Variants in IL33 observed in about 807,000 individuals in gnomAD.
IL33 encodes the protein interleukin 33.
Under a neutral mutation model 27.3 loss-of-function variants are expected in IL33, and 37 were observed. The observed-to-expected ratio is 1.36, with a 90% CI of 1.04 to 1.78. The LOEUF is 1.78. IL33 is among the 40% of genes most tolerant of loss of function. The probability of loss-of-function intolerance (pLI) is 0.00; values close to 1 mark genes in which losing one functional copy is unlikely to be tolerated. For synonymous variants in IL33, 132 were observed against 102.9 expected (o/e 1.28, Z -1.71); for missense variants, 406 against 311.4 (o/e 1.30, Z -2.29).
At chr9:6,220,083 A>G (rs757808483) in intron 1 of IL33, among the ~76,000 whole-genome samples, 5 of 152,190 alleles carry the variant, frequency 3.3e-5, no homozygotes, top group African/African-American at 4.8e-5. Flanking sequence ...CTTCAGGGCT[A>G]CATTCACCTT....
chr9:6,252,063 AAACCC>A lies in IL33; in HGVS notation c.344-799_344-795del, dbSNP rs1564073204. ...AAAAAACAAACAAACAAACAAAAAA[AAACCC>A]AACAAAAAACAAAACAAAACAAAAA... On this transcript the variant is annotated intron_variant, in intron 4 of 7. Transcript: ENST00000682010. 3.7e-4 allele frequency among the ~76,000 whole-genome samples: 46 copies of A among 123,478 alleles called. 1 individual carries two copies. The highest frequency in any genetic ancestry group is 1.5e-3 in the African/African-American group (44 of 29,386). 81.0% of individuals were successfully genotyped at this position (123,478 alleles called of 152,430 possible).
chr9:6,254,864 A>C (rs1410580774), intron 7 of IL33, among the ~76,000 whole-genome samples: 2 of 152,144 alleles, frequency 1.3e-5, no homozygotes, highest in Non-Finnish European at 2.9e-5. Flanking sequence ...TATTTTAATA[A>C]ATCTCCAGGA....
intron 1 of IL33, among the ~76,000 whole-genome samples, chr9:6,223,394 C>G (rs1404337502): frequency 1.3e-5 from 2 of 151,270 alleles, no homozygotes; most frequent in Non-Finnish European, 2.9e-5. Context: ...AAAAGAGTAC[C>G]TCAAAGAGTT....
intron 2 of IL33, among the ~76,000 whole-genome samples, chr9:6,248,524 T>C (rs188656572): frequency 6.6e-6 from 1 of 152,208 alleles, no homozygotes; most frequent in African/African-American, 2.4e-5. Context: ...GATGCCAGCA[T>C]AATATTCTTG....
chr9:6,216,468 T>C (rs1478733602), intron 1 of IL33, among the ~76,000 whole-genome samples: 3 of 152,138 alleles, frequency 2.0e-5, no homozygotes, highest in African/African-American at 7.2e-5. Flanking sequence ...AGTGTGGTGG[T>C]TCAAGCCTGT....
At chr9:6,248,708 G>A (rs1445814239) in intron 2 of IL33, among the ~76,000 whole-genome samples, 1 of 151,920 alleles carries the variant, frequency 6.6e-6, no homozygotes, top group Non-Finnish European at 1.5e-5. Flanking sequence ...CCAAGTTGCT[G>A]AGACTACAGG....
At chr9:6,230,086 T>C (rs1818853418) in intron 1 of IL33, among the ~76,000 whole-genome samples, 2 of 152,044 alleles carry the variant, frequency 1.3e-5, no homozygotes, top group South Asian at 4.2e-4. Flanking sequence ...TAAGTAAGGT[T>C]GGAAAAGTTG....
intron 1 of IL33, 76 bp downstream of exon 1, chr9:6,215,928 T>G (rs999382909): frequency 3.3e-5 from 4 of 119,860 alleles, no homozygotes; most frequent in Admixed American, 1.5e-4. Flanking sequence ...AGAACTGTGT[T>G]TTTTTTTTTT....
chr9:6,220,878 T>C (rs990218463), intron 1 of IL33, among the ~76,000 whole-genome samples: 1 of 152,048 alleles, frequency 6.6e-6, no homozygotes, highest in Non-Finnish European at 1.5e-5. Context: ...CTCAGCCTCC[T>C]AAGTAGCTGA....
At chr9:6,220,245 C>T (rs1213519411) in intron 1 of IL33, among the ~76,000 whole-genome samples, 1 of 152,202 alleles carries the variant, frequency 6.6e-6, no homozygotes, top group African/African-American at 2.4e-5. Flanking sequence ...TCTAATTCCC[C>T]TCCACTTTGA....
chr9:6,228,686 G>C (rs1469722291), intron 1 of IL33, among the ~76,000 whole-genome samples: 1 of 151,860 alleles, frequency 6.6e-6, no homozygotes. Context: ...GCGAGACCCT[G>C]TCTCTACAAA....
At chr9:6,220,508 T>C (rs902697687) in intron 1 of IL33, among the ~76,000 whole-genome samples, 21 of 152,368 alleles carry the variant, frequency 1.4e-4, no homozygotes, top group African/African-American at 5.0e-4. Flanking sequence ...AAGCTGTTTG[T>C]AATTTCTTTT....
chr9:6,224,757 A>T (rs1357384283), intron 1 of IL33, among the ~76,000 whole-genome samples: 1 of 152,240 alleles, frequency 6.6e-6, no homozygotes, highest in Non-Finnish European at 1.5e-5. Flanking sequence ...ATGAACAAAC[A>T]GGGTGATACA....
intron 7 of IL33, among the ~76,000 whole-genome samples, chr9:6,255,435 G>A (rs1257733028): frequency 6.6e-6 from 1 of 151,910 alleles, no homozygotes; most frequent in Non-Finnish European, 1.5e-5. Flanking sequence ...AGCAAGCACT[G>A]GGCTAAATGT....
chr9:6,220,683 AGC>A (rs1480056487), intron 1 of IL33, among the ~76,000 whole-genome samples: 1 of 152,116 alleles, frequency 6.6e-6, no homozygotes, highest in African/African-American at 2.4e-5. Flanking sequence ...CACATTCTTT[AGC>A]AATCCTGTTT....
At chr9:6,249,953 T>TTA (rs1326600700) in intron 2 of IL33, among the ~76,000 whole-genome samples, 1 of 152,210 alleles carries the variant, frequency 6.6e-6, no homozygotes, top group Non-Finnish European at 1.5e-5. Context: ...ATTAAAAGTG[T>TTA]TCTAGACAAG....
intron 1 of IL33, among the ~76,000 whole-genome samples, chr9:6,240,324 T>A (rs10815393): frequency 6.6e-6 from 1 of 152,058 alleles, no homozygotes; most frequent in East Asian, 1.9e-4. Flanking sequence ...GTGGGATAAC[T>A]TGAAGCGTGG....
At position 6,253,555 on chromosome 9, in the gene IL33, A is replaced by G; in HGVS notation, c.473A>G (p.Lys158Arg). The change falls in exon 6 of 8, where the codon AAG becomes AGG. Residue 158 changes from lysine (K) to arginine (R), a missense_variant. Transcript: ENST00000682010. The stretch of plus-strand genomic sequence containing the variant: ...GATTTTATGCATTCTCTTTCAGATA[A>G]GGTGTTACTGAGTTACTATGAGTCT... ...EDLKKDEKKD[K>R]VLLSYYESQH... is the part of the protein sequence containing the mutation. 1 of 1,603,360 alleles carries G rather than the reference A, an allele frequency of 6.2e-7. No individual in the cohort carries two copies. Among genetic ancestry groups the G allele is most frequent in the Non-Finnish European group, 8.5e-7 (1 of 1,173,464 alleles).
At chr9:6,245,243 T>A (rs1819765665) in intron 2 of IL33, among the ~76,000 whole-genome samples, 1 of 152,196 alleles carries the variant, frequency 6.6e-6, no homozygotes, top group Non-Finnish European at 1.5e-5. Context: ...ATTTTCTAAT[T>A]GAGTCAATTT....
Sources: gnomAD v4.1 joint callset for allele counts (sites outside exome capture counted in the v4.1 genomes callset) on GRCh38, gnomAD v4.1.1 for gene constraint, MANE v1.5 for transcripts, NCBI Gene and HGNC (gene_info 2026-07-23, HGNC 2026-07-21) for gene names.